The following STARD10 variants were observed in gnomAD, a reference collection of about 807,000 sequenced individuals.
The protein encoded by STARD10 is StAR related lipid transfer domain containing 10.
Under a neutral mutation model 36.0 loss-of-function variants are expected in STARD10, and 24 were observed. The observed-to-expected ratio is 0.67, with a 90% CI of 0.48 to 0.94. The LOEUF (loss-of-function observed/expected upper bound fraction) is 0.94, where lower values mean the gene tolerates loss of function less well. Among genes scored for constraint, STARD10 ranks in the 40% least tolerant of loss-of-function variants. The pLI is 0.00. For synonymous variants in STARD10, 156 were observed against 161.9 expected, an observed-to-expected ratio of 0.96 and a Z score of 0.28; for missense variants, 335 against 396.6, an observed-to-expected ratio of 0.84 and a Z score of 1.32.
intron 2 of STARD10, among the ~76,000 whole-genome samples, chr11:72,775,011 G>A (rs967289991): frequency 2.0e-5 from 3 of 152,204 alleles, no homozygotes; most frequent in African/African-American, 7.2e-5. Context: ...CAGCCTGGGG[G>A]CTGAGGGCTT....
intron 2 of STARD10, among the ~76,000 whole-genome samples, chr11:72,768,133 C>T (rs1858815583): frequency 6.6e-6 from 1 of 152,188 alleles, no homozygotes; most frequent in Non-Finnish European, 1.5e-5. Context: ...GGCCCCTCTA[C>T]CCTCACAGCC....
intron 1 of STARD10, among the ~76,000 whole-genome samples, chr11:72,791,905 G>A (rs895108034): frequency 3.8e-4 from 57 of 151,610 alleles, no homozygotes; most frequent in African/African-American, 1.3e-3. Context: ...ACGGAGTTTC[G>A]TTCTTGTTGC....
chr11:72,784,834 G>A (rs1031666087), intron 1 of STARD10, among the ~76,000 whole-genome samples: 4 of 152,194 alleles, frequency 2.6e-5, no homozygotes, highest in African/African-American at 7.2e-5. Flanking sequence ...ACGAGAAGGC[G>A]CTTGACAAAC....
rs1404118027 is a variant in STARD10 at position 72,793,004 on chromosome 11, G to C, written c.-243C>G. On this transcript the variant is annotated 5_prime_UTR_variant, in exon 1 of 7. Transcript: ENST00000334805. ...GGGTCTTCCTCCATCAGGCCAAGGTGGGGGTAGGAGAAGAATTGGGAACAG... is the reference window on the plus strand; with the variant it reads ...GGGTCTTCCTCCATCAGGCCAAGGTCGGGGTAGGAGAAGAATTGGGAACAG... 1 of 152,612 alleles carries C rather than the reference G, an allele frequency of 6.6e-6. No individual in the cohort carries two copies. Among genetic ancestry groups the C allele is most frequent in the Non-Finnish European group, 1.5e-5 (1 of 68,362 alleles). 9.5% of individuals were successfully genotyped at this position (152,612 alleles called of 1,614,324 possible).
At chr11:72,773,253 C>T (rs1450760312) in intron 2 of STARD10, among the ~76,000 whole-genome samples, 1 of 152,190 alleles carries the variant, frequency 6.6e-6, no homozygotes, top group African/African-American at 2.4e-5. Context: ...AAAGGGAAGA[C>T]CTTGAGACCC....
intron 2 of STARD10, among the ~76,000 whole-genome samples, chr11:72,764,349 G>A (rs960721332): frequency 2.6e-5 from 4 of 152,256 alleles, no homozygotes; most frequent in Non-Finnish European, 5.9e-5. Flanking sequence ...GGAGCATGCA[G>A]AGCCACGAGA....
intron 1 of STARD10, among the ~76,000 whole-genome samples, chr11:72,787,084 C>CAA (rs765529093): frequency 0.012 from 837 of 71,582 alleles, 7 homozygotes; most frequent in African/African-American, 0.03. Flanking sequence ...ACCCTGTGTC[C>CAA]AAAAAAAAAA....
At chr11:72,780,718 C>A in intron 2 of STARD10, 1 of 539,826 alleles carries the variant, frequency 1.9e-6, no homozygotes, top group Non-Finnish European at 3.4e-6. Context: ...ATCCCTGGAA[C>A]AGGCAGGGGC....
intron 2 of STARD10, among the ~76,000 whole-genome samples, chr11:72,773,274 T>C (rs1167846886): frequency 6.6e-6 from 1 of 152,172 alleles, no homozygotes; most frequent in Non-Finnish European, 1.5e-5. Context: ...AGAGACAGGC[T>C]TGAGGTGGCT....
chr11:72,783,865 T>G (rs1279849210), intron 1 of STARD10, among the ~76,000 whole-genome samples: 1 of 151,850 alleles, frequency 6.6e-6, no homozygotes, highest in Non-Finnish European at 1.5e-5. Context: ...GCCAGAGAGA[T>G]AAAAACTCAG....
intron 2 of STARD10, among the ~76,000 whole-genome samples, chr11:72,762,680 G>C (rs866901397): frequency 6.6e-6 from 1 of 152,140 alleles, no homozygotes; most frequent in Non-Finnish European, 1.5e-5. Flanking sequence ...GTGCTCATTG[G>C]GGGCATAAGA....
In STARD10 at chr11:72,781,101, G is replaced by A. The variant is rs201783096; in HGVS notation, c.81C>T (p.Asp27=). ...LGRESVQVPD[D]QDFRSFRSEC... ...CTGACCGGAAGCTGCGAAAGTCTTG[G>A]TCATCGGGCACCTGGACACTCTCAC... Residue 27 remains aspartate, a synonymous_variant, in exon 2 of 7, where the codon GAC becomes GAT. Coordinates refer to ENST00000334805, the MANE Select transcript of STARD10 (RefSeq NM_006645.3). This position sits in a 1 kb window ranked among gnomAD's most constrained non-coding sequence, Gnocchi z 4.7. 400 of 1,613,980 alleles carry A rather than the reference G, an allele frequency of 2.5e-4. 3 individuals are homozygous for A. In the African/African-American group the frequency reaches 3.9e-3, roughly 16 times the overall value.
intron 2 of STARD10, among the ~76,000 whole-genome samples, chr11:72,759,991 A>C (rs956883927): frequency 6.6e-6 from 1 of 151,534 alleles, no homozygotes; most frequent in African/African-American, 2.4e-5. Context: ...GCTCACTGCA[A>C]CCTCTGCCTC....
intron 1 of STARD10, among the ~76,000 whole-genome samples, chr11:72,791,625 C>T (rs951944288): frequency 7.2e-5 from 11 of 151,842 alleles, no homozygotes; most frequent in Middle Eastern, 3.4e-3. Context: ...ATTGCTTAAA[C>T]CCAGGAGGCG....
intron 1 of STARD10, among the ~76,000 whole-genome samples, chr11:72,792,335 G>A (rs888347886): frequency 2.6e-5 from 4 of 151,984 alleles, no homozygotes; most frequent in Non-Finnish European, 5.9e-5. Flanking sequence ...GATTACAGGC[G>A]TGAGCCACCG....
chr11:72,788,945 T>C (rs183563648), intron 1 of STARD10, among the ~76,000 whole-genome samples: 97 of 152,262 alleles, frequency 6.4e-4, no homozygotes, highest in Middle Eastern at 3.4e-3. Context: ...AGCCTTGAAA[T>C]CTGGGACTCA....
intron 2 of STARD10, among the ~76,000 whole-genome samples, chr11:72,772,850 C>T (rs1251971443): frequency 6.6e-6 from 1 of 152,140 alleles, no homozygotes. Context: ...TCCCCTGAGG[C>T]CCCATCCAAA....
At chr11:72,780,691 G>T (rs1858981268) in intron 2 of STARD10, 3 of 495,936 alleles carry the variant, frequency 6.0e-6, no homozygotes, top group East Asian at 3.7e-5. Flanking sequence ...TCCTAGAAGG[G>T]CCTGGCAGCA....
rs1210151696 is a variant in STARD10 at position 72,758,641 on chromosome 11, G to A, written c.356-8C>T. 5.0e-6 allele frequency: 8 copies of A among 1,607,508 alleles called. No homozygotes were observed. Among genetic ancestry groups the A allele is most frequent in the African/African-American group, 1.3e-5 (1 of 74,824 alleles). Reference sequence around the variant, plus strand: ...GGGGCTTGGGACACCTCCCTGTGGGGGGCAAGGGACAGTTCAGCCAGACCA... The same window carrying A: ...GGGGCTTGGGACACCTCCCTGTGGGAGGCAAGGGACAGTTCAGCCAGACCA... On this transcript the variant is annotated splice_region_variant and splice_polypyrimidine_tract_variant and intron_variant, in intron 3 of 6. Coordinates refer to ENST00000334805, the MANE Select transcript of STARD10 (RefSeq NM_006645.3).
Sources: gnomAD v4.1 joint callset for allele counts (sites outside exome capture counted in the v4.1 genomes callset) on GRCh38, gnomAD v4.1.1 for gene constraint, Gnocchi (gnomAD v3.1) non-coding constraint, MANE v1.5 for transcripts, NCBI Gene and HGNC (gene_info 2026-07-23, HGNC 2026-07-21) for gene names.